The following GRM8 variants were observed in gnomAD, a reference collection of about 807,000 sequenced individuals.
GRM8 encodes the protein glutamate metabotropic receptor 8.
GRM8 carries 47 observed loss-of-function variants against 87.2 expected under a neutral mutation model. The ratio of observed to expected loss-of-function variants is 0.54; its 90% CI spans 0.43 to 0.69. GRM8 has a LOEUF of 0.69. Ranked by LOEUF, GRM8 falls within the 30% of genes least tolerant of loss-of-function variation. The probability of loss-of-function intolerance (pLI) is 0.00; values close to 1 mark genes in which losing one functional copy is unlikely to be tolerated. For missense variants in GRM8, 1,019 were observed against 1,139.2 expected, an observed-to-expected ratio of 0.89 and a Z score of 1.52; for synonymous variants, 396 against 404.5, an observed-to-expected ratio of 0.98 and a Z score of 0.25.
intron 7 of GRM8, among the ~76,000 whole-genome samples, chr7:126,643,842 G>A (rs1026582945): frequency 6.6e-6 from 1 of 152,248 alleles, no homozygotes; most frequent in Non-Finnish European, 1.5e-5. Context: ...CAAGTGAAGA[G>A]GTCAAGATCA....
At chr7:126,846,176 G>A (rs1214648300) in intron 6 of GRM8, among the ~76,000 whole-genome samples, 2 of 151,930 alleles carry the variant, frequency 1.3e-5, no homozygotes, top group Non-Finnish European at 2.9e-5. Flanking sequence ...ATTCAGAAGT[G>A]GAATATGACA....
chr7:126,890,848 C>G (rs184770097), intron 6 of GRM8, among the ~76,000 whole-genome samples: 1 of 151,972 alleles, frequency 6.6e-6, no homozygotes, highest in Non-Finnish European at 1.5e-5. Flanking sequence ...TTTCTGAGTC[C>G]TCAAGGCTCT....
intron 2 of GRM8, among the ~76,000 whole-genome samples, chr7:127,220,117 T>G (rs1796825686): frequency 6.6e-6 from 1 of 152,148 alleles, no homozygotes; most frequent in African/African-American, 2.4e-5. Context: ...AACCCTATCC[T>G]AGAGAAGGAA....
At chr7:126,672,767 C>T in intron 7 of GRM8, among the ~76,000 whole-genome samples, 1 of 152,050 alleles carries the variant, frequency 6.6e-6, no homozygotes, top group African/African-American at 2.4e-5. Flanking sequence ...CATTTTGATA[C>T]ATGTTTTCTA....
chr7:127,240,061 G>C (rs1474816891), intron 2 of GRM8, among the ~76,000 whole-genome samples: 2 of 152,164 alleles, frequency 1.3e-5, no homozygotes, highest in Non-Finnish European at 2.9e-5. Context: ...AGGGTAGCAA[G>C]AGCTGCCCTT....
In GRM8 at chr7:126,749,627, T is replaced by C. The variant is rs185600014; in HGVS notation, c.1357+20238A>G. Among the ~76,000 whole-genome samples the C allele has an allele frequency of 1.3e-4, 20 of 148,268 alleles. 1 individual carries two copies. The East Asian group carries it at 3.7e-3, about 27-fold the overall frequency. The stretch of plus-strand genomic sequence containing the variant: ...TCAGAATGAATGAAGATTTTTACAG[T>C]TCAAGGGGAAGCTGTAAATAATTCA... On this transcript the variant is annotated intron_variant, in intron 7 of 10. Coordinates refer to ENST00000339582, the MANE Select transcript of GRM8 (RefSeq NM_000845.3).
chr7:127,050,768 T>C (rs1819388580), intron 3 of GRM8, among the ~76,000 whole-genome samples: 1 of 152,182 alleles, frequency 6.6e-6, no homozygotes, highest in Admixed American at 6.5e-5. Context: ...CCCTTTTTAC[T>C]TTTTCTTCCT....
intron 3 of GRM8, among the ~76,000 whole-genome samples, chr7:126,944,685 A>G (rs1435251983): frequency 6.6e-6 from 1 of 152,216 alleles, no homozygotes; most frequent in Non-Finnish European, 1.5e-5. Flanking sequence ...AAACTAAGCA[A>G]AAAGAGAAAC....
intron 6 of GRM8, among the ~76,000 whole-genome samples, chr7:126,805,219 T>C (rs1792546904): frequency 6.6e-6 from 1 of 152,118 alleles, no homozygotes; most frequent in African/African-American, 2.4e-5. Context: ...TGCTTTCAAC[T>C]TGGGACCAAT....
rs187583148 is a variant in GRM8, at chr7:126,467,174, G to T, written c.2431-20802C>A. The stretch of plus-strand genomic sequence containing the variant: ...CCCACCCCCCGACAGGCTTCAGTGT[G>T]TGATGTTCCCCTCCCTGTGCCCATA... On this transcript the variant is annotated intron_variant, in intron 9 of 10. Coordinates refer to ENST00000339582, the MANE Select transcript of GRM8 (RefSeq NM_000845.3). Among the ~76,000 whole-genome samples, 9 of 150,200 alleles carry T rather than the reference G, an allele frequency of 6.0e-5. No homozygotes were observed. In the East Asian group the frequency reaches 1.2e-3, roughly 20 times the overall value.
chr7:126,508,071 T>TAG (rs1810759725), intron 9 of GRM8, among the ~76,000 whole-genome samples: 1 of 152,066 alleles, frequency 6.6e-6, no homozygotes, highest in East Asian at 1.9e-4. Flanking sequence ...ACCCTCATCA[T>TAG]AGAGTATTCA....
chr7:126,821,991 C>T (rs924303589), intron 6 of GRM8, among the ~76,000 whole-genome samples: 14 of 152,184 alleles, frequency 9.2e-5, no homozygotes, highest in South Asian at 2.1e-4. Flanking sequence ...TTGGTAGACT[C>T]TTCTTCATTG....
At chr7:126,772,748 A>G (rs1188564283) in intron 6 of GRM8, among the ~76,000 whole-genome samples, 1 of 152,106 alleles carries the variant, frequency 6.6e-6, no homozygotes, top group Non-Finnish European at 1.5e-5. Flanking sequence ...AAAGAACACA[A>G]TTCCCAATAT....
chr7:126,811,599 T>C (rs535930672), intron 6 of GRM8, among the ~76,000 whole-genome samples: 2 of 152,050 alleles, frequency 1.3e-5, no homozygotes, highest in Non-Finnish European at 2.9e-5. Context: ...AATATATTCC[T>C]AGGTATTTTG....
At chr7:126,551,336 C>T (rs1015765246) in intron 8 of GRM8, among the ~76,000 whole-genome samples, 3 of 151,844 alleles carry the variant, frequency 2.0e-5, no homozygotes, top group African/African-American at 7.2e-5. Flanking sequence ...TGAACACTAT[C>T]ACTATTATTT....
In GRM8 at chr7:126,597,337, T is replaced by A. The variant is rs1373420145; in HGVS notation, c.1494+12025A>T. Among the ~76,000 whole-genome samples, 3 of 152,098 alleles carry A rather than the reference T, an allele frequency of 2.0e-5. 1 individual carries two copies. Among genetic ancestry groups the A allele is most frequent in the Non-Finnish European group, 4.4e-5 (3 of 67,976 alleles). On this transcript the variant is annotated intron_variant, in intron 8 of 10. Coordinates refer to ENST00000339582, the MANE Select transcript of GRM8 (RefSeq NM_000845.3). ...ATGGGAGGCTACATCTTTTAATTAATATACAATACTTTTCAGTTCTTAGTT... is the reference window on the plus strand; with the variant it reads ...ATGGGAGGCTACATCTTTTAATTAAAATACAATACTTTTCAGTTCTTAGTT...
chr7:126,776,184 T>C (rs1585886888), intron 6 of GRM8, among the ~76,000 whole-genome samples: 1 of 152,134 alleles, frequency 6.6e-6, no homozygotes, highest in Admixed American at 6.6e-5. Flanking sequence ...TAAAATCAAT[T>C]GAAGCAAGCA....
At chr7:127,053,539 C>T (rs138975595) in intron 3 of GRM8, among the ~76,000 whole-genome samples, 2,137 of 152,152 alleles carry the variant, frequency 0.014, 46 homozygotes, top group African/African-American at 0.049. Flanking sequence ...CCTGTAATCC[C>T]GGCACTTTGG....
chr7:126,706,465 G>A (rs370896325), intron 7 of GRM8, among the ~76,000 whole-genome samples: 1 of 152,066 alleles, frequency 6.6e-6, no homozygotes, highest in Admixed American at 6.6e-5. Flanking sequence ...TCAGTAAGGT[G>A]GGGGGAAATC....
Sources: allele counts gnomAD v4.1 joint callset (sites outside exome capture counted in the v4.1 genomes callset), GRCh38; gene constraint gnomAD v4.1.1; transcripts MANE v1.5; gene names NCBI Gene and HGNC (gene_info 2026-07-23, HGNC 2026-07-21).